The following MYO1D variants were observed in gnomAD, a reference collection of about 807,000 sequenced individuals.
MYO1D encodes unconventional myosin-Id.
Under a neutral mutation model 122.0 loss-of-function variants are expected in MYO1D, and 83 were observed. That is an observed-to-expected ratio of 0.68 (90% CI 0.57 to 0.82). MYO1D has a LOEUF of 0.82. MYO1D is among the 40% of genes least tolerant of loss of function. MYO1D has a pLI of 0.00. For missense variants in MYO1D, 1,157 were observed against 1,269.5 expected, an observed-to-expected ratio of 0.91 and a Z score of 1.35; for synonymous variants, 464 against 446.9, an observed-to-expected ratio of 1.04 and a Z score of -0.48.
intron 1 of MYO1D, among the ~76,000 whole-genome samples, chr17:32,831,718 C>T (rs1466451030): frequency 6.6e-6 from 1 of 152,022 alleles, no homozygotes; most frequent in Non-Finnish European, 1.5e-5. Flanking sequence ...CAATTTGTGC[C>T]CCAGAGAATA....
intron 21 of MYO1D, among the ~76,000 whole-genome samples, chr17:32,522,652 G>A (rs1362908453): frequency 6.6e-6 from 1 of 152,140 alleles, no homozygotes; most frequent in Non-Finnish European, 1.5e-5. Context: ...CTAAGGGGCA[G>A]TATGAGGACC....
intron 16 of MYO1D, among the ~76,000 whole-genome samples, chr17:32,676,536 T>G (rs1266245387): frequency 1.3e-5 from 2 of 152,084 alleles, no homozygotes; most frequent in African/African-American, 4.8e-5. Context: ...GCTAGGTGTT[T>G]CAGAGAAAAA....
chr17:32,864,285 T>G (rs151303985), intron 1 of MYO1D, among the ~76,000 whole-genome samples: 2,110 of 151,748 alleles, frequency 0.014, 43 homozygotes, highest in African/African-American at 0.046. Flanking sequence ...CACGACAGAT[T>G]ACAGATTTTT....
chr17:32,872,810 C>A (rs2091193499), intron 1 of MYO1D, among the ~76,000 whole-genome samples: 1 of 151,618 alleles, frequency 6.6e-6, no homozygotes, highest in Non-Finnish European at 1.5e-5. Context: ...CATTCTCCTG[C>A]CTCAGCCTCC....
At chr17:32,722,702 G>A (rs944555396) in intron 14 of MYO1D, among the ~76,000 whole-genome samples, 1 of 152,122 alleles carries the variant, frequency 6.6e-6, no homozygotes, top group Non-Finnish European at 1.5e-5. Context: ...ATAGGTTCTG[G>A]GGATTAGGAT....
rs555321272 is a variant in MYO1D, at chr17:32,635,872, C to T, written c.2709+2850G>A. On this transcript the variant is annotated intron_variant, in intron 20 of 21. Transcript: ENST00000318217. Reference sequence around the variant, plus strand: ...ATGCCCTGTATGTTTTTATTGACTACTCTTATTTCTGAAAACTTTCCGATT... The same window carrying T: ...ATGCCCTGTATGTTTTTATTGACTATTCTTATTTCTGAAAACTTTCCGATT... 2.6e-5 allele frequency among the ~76,000 whole-genome samples: 4 copies of T among 152,204 alleles called. No individual in the cohort carries two copies. The South Asian group carries it at 6.2e-4, about 24-fold the overall frequency.
intron 21 of MYO1D, among the ~76,000 whole-genome samples, chr17:32,507,955 G>C (rs1909556373): frequency 6.7e-6 from 1 of 148,158 alleles, no homozygotes; most frequent in Admixed American, 6.8e-5. Context: ...AGAGGGCAAT[G>C]GCGCGATCTT....
Position 32,659,246 on chromosome 17 carries a change from C to G in MYO1D, c.2214G>C (p.Ser738=). ...AGCGTCTGGCCACCTCGTGGATGTA[C>G]GACTTCACTTTGTAGCGCCGGTAGT... is the stretch of plus-strand genomic sequence containing the variant. ...IRYYRRYKVK[S]YIHEVARRFH... is the part of the protein sequence containing the mutation. The change falls in exon 17 of 22, where the codon TCG becomes TCC. Residue 738 remains serine, a synonymous_variant. Transcript: ENST00000318217. The G allele has an allele frequency of 2.5e-6, 4 of 1,614,196 alleles. No individual in the cohort carries two copies. The highest frequency in any genetic ancestry group is 3.4e-6 in the Non-Finnish European group (4 of 1,180,038).
At chr17:32,784,659 C>T (rs1338284915) in intron 1 of MYO1D, among the ~76,000 whole-genome samples, 1 of 152,032 alleles carries the variant, frequency 6.6e-6, no homozygotes, top group Non-Finnish European at 1.5e-5. Flanking sequence ...AACAATAGTT[C>T]ACTGTAAAGG....
chr17:32,864,013 T>C (rs1450159278), intron 1 of MYO1D, among the ~76,000 whole-genome samples: 28 of 77,716 alleles, frequency 3.6e-4, no homozygotes, highest in African/African-American at 1.2e-3. Context: ...CTTCCTTTTT[T>C]TTTTTTTTTT....
intron 15 of MYO1D, among the ~76,000 whole-genome samples, chr17:32,718,094 ATTTACT>A (rs1395860438): frequency 6.6e-6 from 1 of 152,104 alleles, no homozygotes; most frequent in Non-Finnish European, 1.5e-5. Context: ...TGGCCCACTA[ATTTACT>A]TTTTAAAAAA....
intron 1 of MYO1D, among the ~76,000 whole-genome samples, chr17:32,865,295 C>T (rs116622078): frequency 0.014 from 2,100 of 152,310 alleles, 43 homozygotes; most frequent in African/African-American, 0.046. Flanking sequence ...AGATGATCCT[C>T]TATTGTACAA....
rs149001532 is a variant in MYO1D at position 32,523,032 on chromosome 17, G to C, written c.2865-28117C>G. Among the ~76,000 whole-genome samples, 259 of 152,278 alleles carry C rather than the reference G, an allele frequency of 1.7e-3. 1 individual carries two copies. Among genetic ancestry groups the C allele is most frequent in the Non-Finnish European group, 3.0e-3 (205 of 68,026 alleles). On this transcript the variant is annotated intron_variant, in intron 21 of 21. Transcript: ENST00000318217. ...GGGTTTCACCATGTTAGCCAGGATG[G>C]TCTCGATCTCCTGACCTTGTGATCT...
intron 16 of MYO1D, among the ~76,000 whole-genome samples, chr17:32,690,519 T>G (rs756877222): frequency 1.3e-5 from 2 of 152,204 alleles, no homozygotes; most frequent in Non-Finnish European, 2.9e-5. Context: ...ATGGTTTGGA[T>G]GTCTATCCCC....
intron 21 of MYO1D, among the ~76,000 whole-genome samples, chr17:32,579,887 A>G (rs887871584): frequency 3.3e-5 from 5 of 152,204 alleles, no homozygotes; most frequent in Admixed American, 3.3e-4. Flanking sequence ...CCATCTTCCA[A>G]TGCTAATGGA....
chr17:32,515,340 GTC>G (rs1397810652), intron 21 of MYO1D, among the ~76,000 whole-genome samples: 1 of 152,154 alleles, frequency 6.6e-6, no homozygotes, highest in African/African-American at 2.4e-5. Flanking sequence ...TTGACATAGA[GTC>G]TCGCCCAGTC....
chr17:32,527,428 T>C (rs1910376876), intron 21 of MYO1D, among the ~76,000 whole-genome samples: 1 of 152,202 alleles, frequency 6.6e-6, no homozygotes, highest in Non-Finnish European at 1.5e-5. Context: ...CTTTCTGTTC[T>C]CACTAACTTT....
At chr17:32,524,854 C>T (rs1597875971) in intron 21 of MYO1D, among the ~76,000 whole-genome samples, 1 of 152,138 alleles carries the variant, frequency 6.6e-6, no homozygotes, top group African/African-American at 2.4e-5. Flanking sequence ...AGCCACTGCG[C>T]CTGGCCTTGA....
intron 17 of MYO1D, among the ~76,000 whole-genome samples, chr17:32,657,896 T>C (rs1200537471): frequency 6.6e-6 from 1 of 152,252 alleles, no homozygotes; most frequent in Admixed American, 6.5e-5. Flanking sequence ...CTTAAAATCT[T>C]ACACAGATCT....
Sources: allele counts gnomAD v4.1 joint callset (sites outside exome capture counted in the v4.1 genomes callset), GRCh38; gene constraint gnomAD v4.1.1; transcripts MANE v1.5; gene names NCBI Gene and HGNC (gene_info 2026-07-23, HGNC 2026-07-21).